The following ZNF100 variants were observed in gnomAD, a reference collection of about 807,000 sequenced individuals.
ZNF100 encodes zinc finger protein 100 (Y1).
A neutral mutation model predicts 15.8 loss-of-function variants in ZNF100; 12 were observed. The ratio of observed to expected loss-of-function variants is 0.76; its 90% confidence interval spans 0.49 to 1.23. ZNF100 has a LOEUF of 1.23. ZNF100 is among the 50% of genes most tolerant of loss of function. The pLI, the probability that ZNF100 is intolerant of heterozygous loss-of-function variation, is 0.00. For synonymous variants in ZNF100, 226 were observed against 214.8 expected (o/e 1.05, Z -0.45); for missense variants, 670 against 635.6 (o/e 1.05, Z -0.58).
intron 4 of ZNF100, among the ~76,000 whole-genome samples, chr19:21,741,559 G>A (rs896095159): frequency 1.3e-5 from 2 of 152,086 alleles, no homozygotes. Context: ...ATTTTTAGTA[G>A]AGATGGGGTT....
intron 2 of ZNF100, among the ~76,000 whole-genome samples, chr19:21,763,354 T>G (rs886425817): frequency 6.6e-6 from 1 of 152,112 alleles, no homozygotes; most frequent in Non-Finnish European, 1.5e-5. Flanking sequence ...CCCAGCACTT[T>G]GGGAGACCGA....
chr19:21,744,613 G>A (rs1344602302), intron 3 of ZNF100, among the ~76,000 whole-genome samples: 2 of 151,734 alleles, frequency 1.3e-5, no homozygotes, highest in East Asian at 1.9e-4. Flanking sequence ...CTCGTGACCC[G>A]CCTGCCTCAG....
Position 21,726,532 on chromosome 19 carries a change from C to A in ZNF100, c.*151G>T. 1.4e-6 allele frequency: 1 copy of A among 700,728 alleles called. No individual in the cohort carries two copies. The highest frequency in any genetic ancestry group is 2.8e-5 in the South Asian group (1 of 35,388). The allele number at this position is 700,728 out of a possible 1,614,324, so 43.4% of individuals were successfully genotyped here. A position where few individuals can be genotyped will look rare whatever the true frequency, so the allele number is the denominator to read the frequency against. ...CACATCTTTCTGGTTTGTAGAATTT[C>A]TCTCTAGTATGAATTATCTTATGTC... is the stretch of plus-strand genomic sequence containing the variant. On this transcript the variant is annotated 3_prime_UTR_variant, in exon 5 of 5. Transcript: ENST00000358296.
intron 4 of ZNF100, among the ~76,000 whole-genome samples, chr19:21,730,791 G>C (rs796838291): frequency 6.8e-6 from 1 of 147,634 alleles, no homozygotes; most frequent in Non-Finnish European, 1.5e-5. Flanking sequence ...GACTGAGATT[G>C]TATGGATTAT....
At chr19:21,761,219 AAACTATTCTTTTG>A (rs536819523) in intron 2 of ZNF100, among the ~76,000 whole-genome samples, 18 of 152,212 alleles carry the variant, frequency 1.2e-4, no homozygotes, top group Non-Finnish European at 2.5e-4. Context: ...AGAGTCAAAA[AAACTATTCTTTTG>A]AACTATTCAC....
rs559138700 is a variant in ZNF100, at chr19:21,741,536, C to T, written c.322+2481G>A. Among the ~76,000 whole-genome samples, 40 of 152,000 alleles carry T rather than the reference C, an allele frequency of 2.6e-4. No homozygotes were observed. In the South Asian group the frequency reaches 4.6e-3, roughly 17 times the overall value. ...ATTACAGGCACCTGTCACAAGGCCC[C>T]GCTAATTTTTGTATTTTTAGTAGAG... On this transcript the variant is annotated intron_variant, in intron 4 of 4. Coordinates refer to ENST00000358296, the MANE Select transcript of ZNF100 (RefSeq NM_173531.4).
Position 21,726,220 on chromosome 19 carries a change from ACT to A in ZNF100, c.*461_*462del, listed in dbSNP as rs1042707485. On this transcript the variant is annotated 3_prime_UTR_variant, in exon 5 of 5. Transcript: ENST00000358296. ...GCACTTATGTTTTTATTGAGTATGAACTCTCTGATGTTGAGTAAGATGTGAGC... is the reference window on the plus strand; with the variant it reads ...GCACTTATGTTTTTATTGAGTATGAACTCTGATGTTGAGTAAGATGTGAGC... 399 of 156,616 alleles carry A rather than the reference ACT, an allele frequency of 2.5e-3. 1 individual carries two copies. The highest frequency in any genetic ancestry group is 9.2e-3 in the African/African-American group (384 of 41,562). The allele number at this position is 156,616 out of a possible 1,614,324, so 9.7% of individuals were successfully genotyped here.
At chr19:21,757,090 G>GTAA (rs1467963513) in intron 2 of ZNF100, among the ~76,000 whole-genome samples, 1 of 152,044 alleles carries the variant, frequency 6.6e-6, no homozygotes, top group Non-Finnish European at 1.5e-5. Context: ...ATCAGTTGAG[G>GTAA]TAAGGAGTGC....
chr19:21,729,949 G>T (rs2035882901), intron 4 of ZNF100, among the ~76,000 whole-genome samples: 1 of 151,444 alleles, frequency 6.6e-6, no homozygotes, highest in East Asian at 1.9e-4. Context: ...AATCCCCAAG[G>T]TCCAAAAAAG....
chr19:21,736,153 T>A (rs558605825), intron 4 of ZNF100, among the ~76,000 whole-genome samples: 3 of 152,192 alleles, frequency 2.0e-5, no homozygotes, highest in Admixed American at 1.3e-4. Flanking sequence ...AATGGCGCGA[T>A]CTTGGCTCAC....
chr19:21,748,121 A>C (rs930181265), intron 2 of ZNF100, among the ~76,000 whole-genome samples: 1 of 152,234 alleles, frequency 6.6e-6, no homozygotes, highest in African/African-American at 2.4e-5. Context: ...AAGCTGCTAA[A>C]TGGAATGTTT....
At position 21,741,255 on chromosome 19, in the gene ZNF100, G is replaced by T. The variant is rs117985116; in HGVS notation, c.322+2762C>A. Among the ~76,000 whole-genome samples, 67 of 140,620 alleles carry T rather than the reference G, an allele frequency of 4.8e-4. 2 individuals are homozygous for T. In the East Asian group the frequency reaches 0.012, roughly 26 times the overall value. The allele number at this position is 140,620 out of a possible 152,430, so 92.3% of individuals were successfully genotyped here. On this transcript the variant is annotated intron_variant, in intron 4 of 4. Transcript: ENST00000358296. ...GGTGTTTGTCAAGGGCTGGGGAGAG[G>T]GTAAAATGGGTTGTTGTTACTTAAT... is the stretch of plus-strand genomic sequence containing the variant.
At chr19:21,733,942 G>C (rs943060399) in intron 4 of ZNF100, among the ~76,000 whole-genome samples, 14 of 152,266 alleles carry the variant, frequency 9.2e-5, no homozygotes, top group African/African-American at 3.4e-4. Context: ...AGGATCTGAA[G>C]TGGATCCCAA....
Position 21,740,599 on chromosome 19 carries a change from T to C in ZNF100, c.322+3418A>G, listed in dbSNP as rs140222433. ...GGCCAGGTGCAGTGGTTCACACCTGTAATCCCAGCACTTTGGAGGCTGAGG... is the reference window on the plus strand; with the variant it reads ...GGCCAGGTGCAGTGGTTCACACCTGCAATCCCAGCACTTTGGAGGCTGAGG... On this transcript the variant is annotated intron_variant, in intron 4 of 4. Transcript: ENST00000358296. Among the ~76,000 whole-genome samples the C allele has an allele frequency of 1.6e-3, 240 of 152,282 alleles. 10 individuals carry two copies. The East Asian group carries it at 0.044, about 28-fold the overall frequency.
Position 21,766,416 on chromosome 19 carries a change from T to TAA in ZNF100, c.4-632_4-631dup, listed in dbSNP as rs34113075. ...TGTCTCTAGTCCCTGGGTTCCTACT[T>TAA]AAAAAAAAAAAAAATCTAACTCAGG... On this transcript the variant is annotated intron_variant, in intron 1 of 4. Coordinates refer to ENST00000358296, the MANE Select transcript of ZNF100 (RefSeq NM_173531.4). 6.9e-3 allele frequency among the ~76,000 whole-genome samples: 1,001 copies of TAA among 144,228 alleles called. 3 individuals are homozygous for TAA. Among genetic ancestry groups the TAA allele is most frequent in the African/African-American group, 0.016 (623 of 39,250 alleles). 94.6% of individuals were successfully genotyped at this position (144,228 alleles called of 152,430 possible).
At chr19:21,751,401 A>G (rs1268892402) in intron 2 of ZNF100, 1 of 827,208 alleles carries the variant, frequency 1.2e-6, no homozygotes, top group Non-Finnish European at 2.2e-6. Flanking sequence ...CATGATCCTG[A>G]GCACAAATTT....
At chr19:21,748,042 T>C (rs1393949002) in intron 2 of ZNF100, among the ~76,000 whole-genome samples, 1 of 152,132 alleles carries the variant, frequency 6.6e-6, no homozygotes, top group Non-Finnish European at 1.5e-5. Flanking sequence ...GTTTAAGAAA[T>C]TTTTTTCTAT....
At chr19:21,731,213 A>G (rs1599378446) in intron 4 of ZNF100, among the ~76,000 whole-genome samples, 4 of 151,720 alleles carry the variant, frequency 2.6e-5, no homozygotes, top group South Asian at 2.1e-4. Context: ...ACTTTCACAT[A>G]TATGTTTATA....
At chr19:21,736,386 C>A (rs2036009617) in intron 4 of ZNF100, among the ~76,000 whole-genome samples, 1 of 152,140 alleles carries the variant, frequency 6.6e-6, no homozygotes, top group African/African-American at 2.4e-5. Context: ...ATCCAGCCAG[C>A]ACTCAGATTT....
Sources: gnomAD v4.1 joint callset for allele counts (sites outside exome capture counted in the v4.1 genomes callset) on GRCh38, gnomAD v4.1.1 for gene constraint, MANE v1.5 for transcripts, NCBI Gene and HGNC (gene_info 2026-07-23, HGNC 2026-07-21) for gene names.